The following TANGO6 variants were observed in gnomAD, a reference collection of about 807,000 sequenced individuals.
TANGO6 encodes the protein transport and Golgi organization protein 6 homolog.
Under a neutral mutation model 114.2 loss-of-function variants are expected in TANGO6, and 90 were observed. That is an observed-to-expected ratio of 0.79 (90% confidence interval 0.66 to 0.94). The LOEUF (loss-of-function observed/expected upper bound fraction) is 0.94. Ranked by LOEUF, TANGO6 falls within the 40% of genes least tolerant of loss-of-function variation. The probability of loss-of-function intolerance (pLI) is 0.00; values close to 1 mark genes in which losing one functional copy is unlikely to be tolerated. For synonymous variants in TANGO6, 477 were observed against 509.8 expected (o/e 0.94, Z 0.87); for missense variants, 1,274 against 1,315.3 (o/e 0.97, Z 0.49).
At chr16:68,861,541 T>C (rs1316149005) in intron 2 of TANGO6, among the ~76,000 whole-genome samples, 1 of 152,144 alleles carries the variant, frequency 6.6e-6, no homozygotes, top group Non-Finnish European at 1.5e-5. Context: ...TAGCAGCACC[T>C]CCTGCCTGCA....
intron 12 of TANGO6, among the ~76,000 whole-genome samples, chr16:68,919,508 G>A (rs78821532): frequency 0.022 from 3,336 of 152,110 alleles, 100 homozygotes; most frequent in African/African-American, 0.061. Flanking sequence ...CATCTGAGGT[G>A]AATACTAGAT....
At chr16:68,985,376 G>A (rs62055819) in intron 15 of TANGO6, among the ~76,000 whole-genome samples, 7,403 of 152,016 alleles carry the variant, frequency 0.049, 237 homozygotes, top group Non-Finnish European at 0.067. Flanking sequence ...CTTGGGATTG[G>A]TTTCTACAAG....
At position 69,072,848 on chromosome 16, in the gene TANGO6, G is replaced by A. The variant is rs1444915483; in HGVS notation, c.3109-10637G>A. 2.0e-5 allele frequency among the ~76,000 whole-genome samples: 3 copies of A among 151,944 alleles called. No homozygotes were observed. In the East Asian group the frequency reaches 5.8e-4, roughly 29 times the overall value. ...AAATTCCTACCCACACGGAGAAAGA[G>A]CAGAATACCTGTGAGTATCCCTTTT... On this transcript the variant is annotated intron_variant, in intron 17 of 17. Transcript: ENST00000261778.
rs1265780640 is a variant in TANGO6 at position 68,927,972 on chromosome 16, G to T, written c.2532G>T (p.Leu844Phe). ...VTTEQLQEVLLSAYDPQIPTR... is the reference protein window; with the variant it reads ...VTTEQLQEVLFSAYDPQIPTR... Reference sequence around the variant, plus strand: ...CAGAACAGCTCCAAGAGGTTCTTTTGTCAGCTTATGACCCTCAAATTCCAA... The same window carrying T: ...CAGAACAGCTCCAAGAGGTTCTTTTTTCAGCTTATGACCCTCAAATTCCAA... Residue 844 changes from leucine (L) to phenylalanine (F), a missense_variant, in exon 13 of 18, where the codon TTG becomes TTT. By Grantham distance (22) the Leu-to-Phe change is conservative. Coordinates refer to ENST00000261778, the MANE Select transcript of TANGO6 (RefSeq NM_024562.2). 1.2e-6 allele frequency: 2 copies of T among 1,613,534 alleles called. No homozygotes were observed. The highest frequency in any genetic ancestry group is 1.7e-6 in the Non-Finnish European group (2 of 1,179,720).
At chr16:69,064,690 T>G (rs1244733056) in intron 17 of TANGO6, among the ~76,000 whole-genome samples, 6 of 152,218 alleles carry the variant, frequency 3.9e-5, no homozygotes, top group Non-Finnish European at 5.9e-5. Flanking sequence ...TGAGCAAATC[T>G]CTAAACCTCC....
At chr16:69,074,079 C>T (rs761689133) in intron 17 of TANGO6, among the ~76,000 whole-genome samples, 2 of 152,036 alleles carry the variant, frequency 1.3e-5, no homozygotes, top group Non-Finnish European at 2.9e-5. Context: ...CCAGCAGGGA[C>T]CAGGCAGCAT....
chr16:68,960,950 T>G (rs928102113), intron 14 of TANGO6, among the ~76,000 whole-genome samples: 6 of 152,238 alleles, frequency 3.9e-5, no homozygotes, highest in African/African-American at 1.4e-4. Context: ...TTCTTCATTT[T>G]CTTTCATATG....
intron 7 of TANGO6, among the ~76,000 whole-genome samples, chr16:68,897,535 A>G (rs1028116630): frequency 3.3e-5 from 5 of 152,118 alleles, no homozygotes; most frequent in Non-Finnish European, 5.9e-5. Flanking sequence ...CATTATAAGA[A>G]GATATAGAAA....
At chr16:68,953,205 T>TC (rs1425379910) in intron 14 of TANGO6, among the ~76,000 whole-genome samples, 2 of 152,024 alleles carry the variant, frequency 1.3e-5, no homozygotes, top group African/African-American at 4.8e-5. Context: ...TGCCTCGGCT[T>TC]CCTGAGTAAC....
At chr16:69,067,399 A>C (rs1265886947) in intron 17 of TANGO6, among the ~76,000 whole-genome samples, 1 of 151,324 alleles carries the variant, frequency 6.6e-6, no homozygotes, top group Non-Finnish European at 1.5e-5. Flanking sequence ...AATCCCAGCT[A>C]CTCAGGAGGC....
chr16:68,947,422 C>T (rs1262765776), intron 14 of TANGO6, among the ~76,000 whole-genome samples: 2 of 151,458 alleles, frequency 1.3e-5, no homozygotes, highest in East Asian at 3.9e-4. Context: ...CCACTGTACT[C>T]CAGCCTGGCG....
chr16:68,864,022 A>G (rs1596993636), intron 3 of TANGO6, among the ~76,000 whole-genome samples: 1 of 151,490 alleles, frequency 6.6e-6, no homozygotes, highest in East Asian at 2.0e-4. Flanking sequence ...GAAAAATACA[A>G]AATTAGCCGG....
chr16:68,969,374 CCCTTT>C (rs773786459), intron 14 of TANGO6, among the ~76,000 whole-genome samples: 14 of 152,094 alleles, frequency 9.2e-5, no homozygotes, highest in Admixed American at 6.5e-5. Context: ...AAAATCTCAT[CCCTTT>C]CATTTTTATA....
chr16:68,879,917 ACT>A (rs1427029197), intron 6 of TANGO6, among the ~76,000 whole-genome samples: 5 of 151,068 alleles, frequency 3.3e-5, no homozygotes, highest in Admixed American at 3.3e-4. Flanking sequence ...CACCTGGCCA[ACT>A]CTGCCATTTT....
intron 15 of TANGO6, among the ~76,000 whole-genome samples, chr16:69,021,495 C>T (rs1959404787): frequency 6.6e-6 from 1 of 152,098 alleles, no homozygotes; most frequent in African/African-American, 2.4e-5. Flanking sequence ...GTATGTATTA[C>T]CTTCTAACAT....
chr16:69,062,095 T>C (rs539040607), intron 17 of TANGO6, among the ~76,000 whole-genome samples: 17 of 152,318 alleles, frequency 1.1e-4, no homozygotes, highest in Non-Finnish European at 1.6e-4. Context: ...CACATACATA[T>C]GTTTAAGAAC....
chr16:68,987,119 T>C (rs1161874158), intron 15 of TANGO6, among the ~76,000 whole-genome samples: 1 of 150,282 alleles, frequency 6.7e-6, no homozygotes, highest in Non-Finnish European at 1.5e-5. Flanking sequence ...ACATCATTTA[T>C]TCAACCATTT....
At chr16:68,970,991 A>C (rs886388637) in intron 14 of TANGO6, among the ~76,000 whole-genome samples, 3 of 152,008 alleles carry the variant, frequency 2.0e-5, no homozygotes, top group Non-Finnish European at 4.4e-5. Context: ...CGTCTCTACC[A>C]AAAATACAAA....
chr16:69,004,413 T>C (rs1964072835), intron 15 of TANGO6, among the ~76,000 whole-genome samples: 1 of 151,966 alleles, frequency 6.6e-6, no homozygotes, highest in Admixed American at 6.6e-5. Flanking sequence ...TGGAGTGTAA[T>C]GGTACAATCT....
Sources: gnomAD v4.1 joint callset for allele counts (sites outside exome capture counted in the v4.1 genomes callset) on GRCh38, gnomAD v4.1.1 for gene constraint, MANE v1.5 for transcripts, NCBI Gene and HGNC (gene_info 2026-07-23, HGNC 2026-07-21) for gene names.